The following PARG variants were observed in gnomAD, a reference collection of about 807,000 sequenced individuals.
The protein encoded by PARG is poly(ADP-ribose) glycohydrolase.
Under a neutral mutation model 113.0 loss-of-function variants are expected in PARG, and 35 were observed. That is an observed-to-expected ratio of 0.31 (90% confidence interval 0.24 to 0.41). PARG has a LOEUF of 0.41. PARG is among the 10% of genes least tolerant of loss of function. The pLI, the probability that PARG is intolerant of heterozygous loss-of-function variation, is 1.00. For missense variants in PARG, 797 were observed against 1,169.4 expected (o/e 0.68, Z 4.64); for synonymous variants, 330 against 409.9 (o/e 0.81, Z 2.36).
intron 7 of PARG, among the ~76,000 whole-genome samples, chr10:49,912,279 A>C (rs1381013689): frequency 2.0e-5 from 3 of 152,160 alleles, no homozygotes; most frequent in African/African-American, 7.2e-5. Flanking sequence ...CAGCCTGGGC[A>C]ATAGAGTGAG....
At position 49,874,729 on chromosome 10, in the gene PARG, C is replaced by T. The variant is rs1449712268; in HGVS notation, c.1988+4944G>A. Reference sequence around the variant, plus strand: ...ATTAGCCGGGCGTGGTGGTGGGTGCCTGTAGTCCCAGCTACTAGGGAGGCT... The same window carrying T: ...ATTAGCCGGGCGTGGTGGTGGGTGCTTGTAGTCCCAGCTACTAGGGAGGCT... On this transcript the variant is annotated intron_variant, in intron 9 of 17. Transcript: ENST00000616448. 1.2e-3 allele frequency among the ~76,000 whole-genome samples: 174 copies of T among 150,066 alleles called. 1 individual carries two copies. In the East Asian group the frequency reaches 0.017, roughly 15 times the overall value.
In PARG at chr10:49,932,133, C is replaced by A; in HGVS notation, c.1422G>T (p.Leu474Phe). The change falls in exon 4 of 18, where the codon TTG (leucine) becomes TTT (phenylalanine). Residue 474 changes from leucine (L) to phenylalanine (F), a missense_variant. This residue lies in a region of PARG where 252 missense variants were observed against 437.4 expected (regional missense o/e 0.58). Coordinates refer to ENST00000616448, the MANE Select transcript of PARG (RefSeq NM_003631.5). ...TTACTGTGTGATTGGCAGATGGTCTCAAGAGAGGCAGCCGGATCCCACACC... is the reference window on the plus strand; with the variant it reads ...TTACTGTGTGATTGGCAGATGGTCTAAAGAGAGGCAGCCGGATCCCACACC... The part of the protein sequence containing the change: ...MPRCGIRLPL[L>F]RPSANHTVTI... 6.2e-7 allele frequency: 1 copy of A among 1,605,266 alleles called. No individual in the cohort carries two copies. The highest frequency in any genetic ancestry group is 8.5e-7 in the Non-Finnish European group (1 of 1,171,876).
intron 8 of PARG, among the ~76,000 whole-genome samples, chr10:49,880,926 C>T (rs534530389): frequency 6.6e-6 from 1 of 152,280 alleles, no homozygotes; most frequent in South Asian, 2.1e-4. Context: ...TTTGAAATAG[C>T]CCTGCAAAGC....
intron 9 of PARG, among the ~76,000 whole-genome samples, chr10:49,877,307 T>TAA (rs1247503064): frequency 6.6e-6 from 1 of 150,464 alleles, no homozygotes; most frequent in South Asian, 2.1e-4. Context: ...TTTAAAAGGC[T>TAA]AAAAAATATG....
chr10:49,924,732 A>G (rs1838066666), intron 4 of PARG, among the ~76,000 whole-genome samples: 2 of 151,724 alleles, frequency 1.3e-5, no homozygotes, highest in South Asian at 4.2e-4. Context: ...CAGACTCTTT[A>G]TAGCAATTAA....
chr10:49,859,102 G>A (rs1248960270), intron 12 of PARG, among the ~76,000 whole-genome samples: 1 of 147,700 alleles, frequency 6.8e-6, no homozygotes, highest in African/African-American at 2.5e-5. Context: ...AAGGGGATGT[G>A]GCAGCTGACA....
At chr10:49,921,367 G>GAAA (rs1837861022) in intron 6 of PARG, among the ~76,000 whole-genome samples, 1 of 151,748 alleles carries the variant, frequency 6.6e-6, no homozygotes, top group Non-Finnish European at 1.5e-5. Context: ...TTTTGTAACT[G>GAAA]TTTTAAATAA....
At chr10:49,874,144 A>C (rs2132596013) in intron 9 of PARG, among the ~76,000 whole-genome samples, 1 of 146,646 alleles carries the variant, frequency 6.8e-6, no homozygotes, top group Middle Eastern at 3.4e-3. Context: ...AACTTGGTGA[A>C]GTAACCTCCC....
intron 4 of PARG, among the ~76,000 whole-genome samples, chr10:49,926,980 A>T (rs1838200257): frequency 6.6e-6 from 1 of 152,046 alleles, no homozygotes; most frequent in African/African-American, 2.4e-5. Flanking sequence ...GGGTGAGTGT[A>T]CTCAGGTTCA....
chr10:49,919,751 T>C (rs1349626686), intron 6 of PARG, among the ~76,000 whole-genome samples: 3 of 152,168 alleles, frequency 2.0e-5, no homozygotes, highest in Non-Finnish European at 4.4e-5. Flanking sequence ...CTAGCAGAAC[T>C]TGAGATTTTT....
intron 15 of PARG, among the ~76,000 whole-genome samples, chr10:49,836,336 T>TTTTTTTTTTTG (rs370070934): frequency 7.2e-6 from 1 of 138,694 alleles, no homozygotes; most frequent in East Asian, 2.0e-4. Flanking sequence ...TTTTTTTTTT[T>TTTTTTTTTTTG]AGCCCAGGCT....
chr10:49,861,226 G>A (rs1316100789), intron 12 of PARG, among the ~76,000 whole-genome samples: 2 of 149,820 alleles, frequency 1.3e-5, no homozygotes, highest in African/African-American at 2.4e-5. Flanking sequence ...GAGCCTTTAA[G>A]GAAAAAGAAT....
chr10:49,849,976 C>A (rs1250690277), intron 13 of PARG, among the ~76,000 whole-genome samples: 1 of 152,050 alleles, frequency 6.6e-6, no homozygotes. Context: ...TATGATTGTG[C>A]CACTGTACCC....
intron 9 of PARG, among the ~76,000 whole-genome samples, chr10:49,870,154 T>C (rs1554837653): frequency 2.6e-5 from 4 of 151,170 alleles, no homozygotes; most frequent in Non-Finnish European, 5.9e-5. Context: ...AATTTGGAGA[T>C]AGGGCCTGTG....
At chr10:49,829,585 T>C (rs1460314420) in intron 16 of PARG, among the ~76,000 whole-genome samples, 1 of 152,048 alleles carries the variant, frequency 6.6e-6, no homozygotes, top group East Asian at 1.9e-4. Flanking sequence ...CTCACAAGTG[T>C]AATCACAACA....
intron 4 of PARG, 91 bp from the exon 5 acceptor site, chr10:49,922,760 A>T (rs111541169): frequency 2.9e-6 from 2 of 693,550 alleles, no homozygotes; most frequent in Non-Finnish European, 4.6e-6. Flanking sequence ...AAATGCTATA[A>T]AATAGAGACC....
At chr10:49,870,399 G>A (rs1384415434) in intron 9 of PARG, among the ~76,000 whole-genome samples, 1 of 152,072 alleles carries the variant, frequency 6.6e-6, no homozygotes, top group Non-Finnish European at 1.5e-5. Context: ...TGTTGTTTAA[G>A]CCACCCAGTT....
At chr10:49,899,854 T>C (rs1848269101) in intron 7 of PARG, among the ~76,000 whole-genome samples, 1 of 152,216 alleles carries the variant, frequency 6.6e-6, no homozygotes, top group Admixed American at 6.5e-5. Context: ...AAAGTGTTTA[T>C]GACTCAAATC....
intron 6 of PARG, among the ~76,000 whole-genome samples, chr10:49,917,069 TAAGAA>T (rs1464330171): frequency 6.8e-6 from 1 of 145,994 alleles, no homozygotes; most frequent in African/African-American, 2.4e-5. Context: ...CCAAGTTCCT[TAAGAA>T]AAGAAAAGAG....
Sources: allele counts gnomAD v4.1 joint callset (sites outside exome capture counted in the v4.1 genomes callset), GRCh38; gene constraint gnomAD v4.1.1; regional missense constraint gnomAD v4.1.1; transcripts MANE v1.5; gene names NCBI Gene and HGNC (gene_info 2026-07-23, HGNC 2026-07-21).